Variants in BRINP3 observed in about 807,000 individuals in gnomAD.
The protein encoded by BRINP3 is BMP/retinoic acid-inducible neural-specific protein 3.
BRINP3 carries 19 observed loss-of-function variants against 71.0 expected under a neutral mutation model. The ratio of observed to expected loss-of-function variants is 0.27; its 90% CI spans 0.19 to 0.39. BRINP3 has a LOEUF of 0.39. BRINP3 is among the 10% of genes least tolerant of loss of function. The pLI, the probability that BRINP3 is intolerant of heterozygous loss-of-function variation, is 1.00. For missense variants in BRINP3, 959 were observed against 940.8 expected, an observed-to-expected ratio of 1.02 and a Z score of -0.25; for synonymous variants, 380 against 337.7, an observed-to-expected ratio of 1.13 and a Z score of -1.37.
At chr1:190,352,890 A>G (rs2102059173) in intron 2 of BRINP3, among the ~76,000 whole-genome samples, 2 of 151,790 alleles carry the variant, frequency 1.3e-5, no homozygotes, top group Admixed American at 1.3e-4. Flanking sequence ...TCTCTCACAC[A>G]TGCATGCACA....
chr1:190,301,198 C>CAT lies in BRINP3; in HGVS notation c.237-19449_237-19448insAT, dbSNP rs1390064895. ...ATACATATATATATGTATATATATACACATACATATATATATATATATATA... is the reference window on the plus strand; with the variant it reads ...ATACATATATATATGTATATATATACATACATACATATATATATATATATATA... On this transcript the variant is annotated intron_variant, in intron 2 of 7. Transcript: ENST00000367462. Among the ~76,000 whole-genome samples the CAT allele has an allele frequency of 5.1e-3, 136 of 26,668 alleles. 1 individual carries two copies. The highest frequency in any genetic ancestry group is 0.015 in the Admixed American group (22 of 1,476). The allele number at this position is 26,668 out of a possible 152,430, so 17.5% of individuals were successfully genotyped here.
chr1:190,116,320 T>C (rs1422720796), intron 7 of BRINP3, among the ~76,000 whole-genome samples: 1 of 152,102 alleles, frequency 6.6e-6, no homozygotes, highest in Non-Finnish European at 1.5e-5. Flanking sequence ...CTAACGGCTC[T>C]AACAAATAAT....
At chr1:190,453,694 G>A (rs1297918204) in intron 2 of BRINP3, among the ~76,000 whole-genome samples, 1 of 152,064 alleles carries the variant, frequency 6.6e-6, no homozygotes, top group Non-Finnish European at 1.5e-5. Flanking sequence ...ATTGCTGATA[G>A]GATTTATAAA....
chr1:190,349,329 C>T (rs1381740256), intron 2 of BRINP3, among the ~76,000 whole-genome samples: 1 of 151,894 alleles, frequency 6.6e-6, no homozygotes, highest in East Asian at 1.9e-4. Flanking sequence ...AGATAGTAGG[C>T]AAGGTTAAGA....
At chr1:190,302,373 T>C (rs1416680896) in intron 2 of BRINP3, among the ~76,000 whole-genome samples, 1 of 150,578 alleles carries the variant, frequency 6.6e-6, no homozygotes, top group African/African-American at 2.4e-5. Flanking sequence ...AAAAAGATAA[T>C]GTCTATGACA....
chr1:190,184,540 AC>A (rs1191408005), intron 6 of BRINP3, among the ~76,000 whole-genome samples: 1 of 152,206 alleles, frequency 6.6e-6, no homozygotes, highest in African/African-American at 2.4e-5. Context: ...ATGATGGTCT[AC>A]TATACAGCCA....
chr1:190,143,396 C>A (rs1258053179), intron 7 of BRINP3, among the ~76,000 whole-genome samples: 1 of 152,118 alleles, frequency 6.6e-6, no homozygotes, highest in East Asian at 1.9e-4. Flanking sequence ...AACTAGCTCA[C>A]CAATGGAACT....
chr1:190,304,492 G>T (rs1377832842), intron 2 of BRINP3, among the ~76,000 whole-genome samples: 2 of 151,772 alleles, frequency 1.3e-5, no homozygotes, highest in African/African-American at 4.8e-5. Flanking sequence ...ATAGCCAACT[G>T]ATTTTTAACA....
rs1259611239 is a variant in BRINP3, at chr1:190,454,603, A to G, written c.236+52T>C. 38 of 1,488,060 alleles carry G rather than the reference A, an allele frequency of 2.6e-5. No individual in the cohort carries two copies. In the South Asian group the frequency reaches 4.3e-4, roughly 17 times the overall value. The allele number at this position is 1,488,060 out of a possible 1,614,324, so 92.2% of individuals were successfully genotyped here. ...CTTTCCCTTAGAGAAACTTATGTAT[A>G]CACAACCTTCAAGGATGATATTTCT... On this transcript the variant is annotated intron_variant, in intron 2 of 7. Coordinates refer to ENST00000367462, the MANE Select transcript of BRINP3 (RefSeq NM_199051.3).
intron 4 of BRINP3, among the ~76,000 whole-genome samples, chr1:190,244,393 T>C (rs10920667): frequency 0.018 from 2,709 of 152,230 alleles, 78 homozygotes; most frequent in African/African-American, 0.061. Context: ...TCTGCTCGAT[T>C]GATACTCACC....
chr1:190,300,618 C>T (rs560510567), intron 2 of BRINP3, among the ~76,000 whole-genome samples: 106 of 152,172 alleles, frequency 7.0e-4, no homozygotes, highest in Non-Finnish European at 2.9e-4. Flanking sequence ...GGTACCTGAC[C>T]TCTGACCCCC....
rs144833683 is a variant in BRINP3, at chr1:190,458,559, T to C, written c.-50-3619A>G. Among the ~76,000 whole-genome samples, 12 of 152,190 alleles carry C rather than the reference T, an allele frequency of 7.9e-5. No homozygotes were observed. The East Asian group carries it at 2.3e-3, about 29-fold the overall frequency. On this transcript the variant is annotated intron_variant, in intron 1 of 7. Transcript: ENST00000367462. ...TCATATTTTCATGAGTACTAATTTA[T>C]AAATTATTACTGAATTACCTTAATT... is the stretch of plus-strand genomic sequence containing the variant.
chr1:190,121,930 T>C (rs1264710886), intron 7 of BRINP3, among the ~76,000 whole-genome samples: 1 of 152,178 alleles, frequency 6.6e-6, no homozygotes, highest in Non-Finnish European at 1.5e-5. Context: ...AATGAGATGG[T>C]AAATGAACTG....
chr1:190,277,389 A>C (rs1309387963), intron 3 of BRINP3, among the ~76,000 whole-genome samples: 1 of 151,320 alleles, frequency 6.6e-6, no homozygotes, highest in East Asian at 2.0e-4. Flanking sequence ...GGAGGAACTC[A>C]CAGGTTTCCT....
chr1:190,200,159 A>T (rs1173050579), intron 6 of BRINP3, among the ~76,000 whole-genome samples: 1 of 152,052 alleles, frequency 6.6e-6, no homozygotes, highest in Non-Finnish European at 1.5e-5. Context: ...TTTATATTGG[A>T]ATTTGTTTGG....
Position 190,199,148 on chromosome 1 carries a change from C to A in BRINP3, c.961+26934G>T, listed in dbSNP as rs1654764965. 2.0e-5 allele frequency among the ~76,000 whole-genome samples: 3 copies of A among 152,262 alleles called. No homozygotes were observed. In the South Asian group the frequency reaches 6.2e-4, roughly 32 times the overall value. On this transcript the variant is annotated intron_variant, in intron 6 of 7. Transcript: ENST00000367462. ...ACAATCAGATCTCATGAGACTTATTCATGATCATGAGAACAGCACAGGAAA... is the reference window on the plus strand; with the variant it reads ...ACAATCAGATCTCATGAGACTTATTAATGATCATGAGAACAGCACAGGAAA...
chr1:190,120,434 TATA>T (rs1037491639), intron 7 of BRINP3, among the ~76,000 whole-genome samples: 8 of 152,168 alleles, frequency 5.3e-5, no homozygotes, highest in African/African-American at 1.9e-4. Flanking sequence ...ACTGTTTTCT[TATA>T]ATGTCAAGCA....
At position 190,214,884 on chromosome 1, in the gene BRINP3, T is replaced by C. The variant is rs112794187; in HGVS notation, c.961+11198A>G. On this transcript the variant is annotated intron_variant, in intron 6 of 7. Coordinates refer to ENST00000367462, the MANE Select transcript of BRINP3 (RefSeq NM_199051.3). ...AGATTGACTTAACAGTGAAGGACATTTATTGTCTAATGTAATTGAAACTCT... is the reference window on the plus strand; with the variant it reads ...AGATTGACTTAACAGTGAAGGACATCTATTGTCTAATGTAATTGAAACTCT... Among the ~76,000 whole-genome samples the C allele has an allele frequency of 5.8e-3, 880 of 152,002 alleles. 10 individuals carry two copies. Among genetic ancestry groups the C allele is most frequent in the African/African-American group, 0.019 (789 of 41,524 alleles).
intron 2 of BRINP3, among the ~76,000 whole-genome samples, chr1:190,381,523 T>C (rs1257895499): frequency 1.3e-5 from 2 of 152,200 alleles, no homozygotes; most frequent in Non-Finnish European, 2.9e-5. Flanking sequence ...GTTTCCATTT[T>C]CAGAAATTAA....
Sources: gnomAD v4.1 joint callset for allele counts (sites outside exome capture counted in the v4.1 genomes callset) on GRCh38, gnomAD v4.1.1 for gene constraint, MANE v1.5 for transcripts, NCBI Gene and HGNC (gene_info 2026-07-23, HGNC 2026-07-21) for gene names.